ABCB5: variants seen among roughly 807,000 people sequenced by gnomAD.
ABCB5 encodes the protein ATP binding cassette subfamily B member 5, also known as ATP-binding cassette sub-family B member 5.
A neutral mutation model predicts 144.2 loss-of-function variants in ABCB5; 155 were observed. The ratio of observed to expected loss-of-function variants is 1.08; its 90% CI spans 0.94 to 1.23. The LOEUF (loss-of-function observed/expected upper bound fraction) is 1.23. Ranked by LOEUF, ABCB5 falls within the 50% of genes most tolerant of loss-of-function variation. ABCB5 has a pLI of 0.00. For missense variants in ABCB5, 1,830 were observed against 1,520.8 expected (o/e 1.20, Z -3.38); for synonymous variants, 610 against 528.6 (o/e 1.15, Z -2.11).
chr7:20,629,701 G>A (rs1783990576), intron 4 of ABCB5, among the ~76,000 whole-genome samples: 1 of 152,076 alleles, frequency 6.6e-6, no homozygotes, highest in African/African-American at 2.4e-5. Context: ...GGCAGAGGTT[G>A]CATTGAGCCA....
intron 19 of ABCB5, 49 bp downstream of exon 19, chr7:20,700,184 A>G: frequency 7.0e-7 from 1 of 1,434,070 alleles, no homozygotes; most frequent in East Asian, 2.5e-5. Flanking sequence ...ATTTATTGTA[A>G]AACATTCTAG....
At chr7:20,649,101 T>G (rs557054502) in intron 11 of ABCB5, among the ~76,000 whole-genome samples, 8 of 152,226 alleles carry the variant, frequency 5.3e-5, no homozygotes, top group Admixed American at 1.3e-4. Flanking sequence ...AATGAAATTT[T>G]GGGGGGGTCC....
intron 25 of ABCB5, among the ~76,000 whole-genome samples, chr7:20,744,211 G>C (rs867974211): frequency 2.6e-5 from 4 of 151,976 alleles, no homozygotes; most frequent in African/African-American, 9.7e-5. Context: ...GAGATTACAG[G>C]GGTGTGCCAC....
intron 9 of ABCB5, among the ~76,000 whole-genome samples, chr7:20,647,083 C>G (rs919445469): frequency 6.6e-6 from 1 of 152,062 alleles, no homozygotes; most frequent in Admixed American, 6.5e-5. Flanking sequence ...TACAAAAATT[C>G]AAAAACGGTT....
intron 23 of ABCB5, among the ~76,000 whole-genome samples, chr7:20,729,224 A>G (rs1404505165): frequency 6.6e-6 from 1 of 152,214 alleles, no homozygotes; most frequent in Non-Finnish European, 1.5e-5. Context: ...AATCTGAATT[A>G]AATTCCCAGA....
intron 14 of ABCB5, among the ~76,000 whole-genome samples, chr7:20,679,675 T>C (rs1022619303): frequency 2.0e-5 from 3 of 152,142 alleles, no homozygotes; most frequent in Non-Finnish European, 4.4e-5. Flanking sequence ...AAATTGTCAC[T>C]AATCATTTGA....
In ABCB5 at chr7:20,743,528, T is replaced by C. The variant is rs534828305; in HGVS notation, c.3222+454T>C. 1.1e-4 allele frequency among the ~76,000 whole-genome samples: 16 copies of C among 152,312 alleles called. No individual in the cohort carries two copies. In the East Asian group the frequency reaches 3.1e-3, roughly 29 times the overall value. On this transcript the variant is annotated intron_variant, in intron 25 of 27. Coordinates refer to ENST00000404938, the MANE Select transcript of ABCB5 (RefSeq NM_001163941.2). The stretch of plus-strand genomic sequence containing the variant: ...TTAAGGCTTATTGGAATCAGCTCCA[T>C]GAAGTCATGCCTCTAATATCTAAAA...
chr7:20,670,696 G>C (rs1398519582), intron 14 of ABCB5, among the ~76,000 whole-genome samples: 1 of 152,160 alleles, frequency 6.6e-6, no homozygotes, highest in East Asian at 1.9e-4. Flanking sequence ...CATCACCTGA[G>C]GTCGGGAGTT....
At chr7:20,698,375 T>C (rs1044592106) in intron 16 of ABCB5, 32 bp from the exon 17 acceptor site, 2 of 1,537,584 alleles carry the variant, frequency 1.3e-6, no homozygotes, top group African/African-American at 2.8e-5. Flanking sequence ...GCACACAAAC[T>C]GGCATTTTTA....
At chr7:20,654,834 A>T (rs575688840) in intron 13 of ABCB5, among the ~76,000 whole-genome samples, 6 of 152,268 alleles carry the variant, frequency 3.9e-5, no homozygotes, top group African/African-American at 1.4e-4. Context: ...TATTGCTCTG[A>T]GAGAAACTTA....
At chr7:20,638,342 T>C (rs1784209959) in intron 5 of ABCB5, among the ~76,000 whole-genome samples, 1 of 152,054 alleles carries the variant, frequency 6.6e-6, no homozygotes, top group African/African-American at 2.4e-5. Context: ...TTGTACTGTT[T>C]ATATTATTTT....
chr7:20,711,844 C>CT (rs200851981), intron 20 of ABCB5, among the ~76,000 whole-genome samples: 2 of 84,420 alleles, frequency 2.4e-5, no homozygotes, highest in Admixed American at 1.3e-4. Context: ...TTCTTTCTTT[C>CT]TTTTCTTTCT....
At chr7:20,652,120 G>A (rs1455755488) in intron 13 of ABCB5, among the ~76,000 whole-genome samples, 2 of 152,210 alleles carry the variant, frequency 1.3e-5, no homozygotes, top group African/African-American at 4.8e-5. Flanking sequence ...ATCAGACCAA[G>A]CTGAGAAATT....
intron 2 of ABCB5, among the ~76,000 whole-genome samples, chr7:20,625,095 G>A (rs1417903741): frequency 1.2e-4 from 18 of 152,212 alleles, no homozygotes; most frequent in Admixed American, 1.2e-3. Flanking sequence ...TGGGTGTTAA[G>A]CTTCAAAATC....
chr7:20,727,036 T>C lies in ABCB5; in HGVS notation c.2626-4T>C, dbSNP rs1782058595. ...TTCTATATTGTATTGTCCTGTTTTATAAGATAGCAACTGAAGCTTTGGAGA... is the reference window on the plus strand; with the variant it reads ...TTCTATATTGTATTGTCCTGTTTTACAAGATAGCAACTGAAGCTTTGGAGA... On this transcript the variant is annotated splice_region_variant and splice_polypyrimidine_tract_variant and intron_variant, in intron 21 of 27. Transcript: ENST00000404938. 2 of 1,602,606 alleles carry C rather than the reference T, an allele frequency of 1.2e-6. No homozygotes were observed. Among genetic ancestry groups the C allele is most frequent in the African/African-American group, 1.3e-5 (1 of 74,610 alleles).
chr7:20,642,553 G>A (rs1583386939), intron 5 of ABCB5, among the ~76,000 whole-genome samples: 1 of 151,970 alleles, frequency 6.6e-6, no homozygotes, highest in Admixed American at 6.6e-5. Flanking sequence ...TGTATTGTCT[G>A]CCTCCTGCCA....
chr7:20,750,205 A>G (rs896614485), intron 26 of ABCB5, among the ~76,000 whole-genome samples: 1 of 152,228 alleles, frequency 6.6e-6, no homozygotes, highest in African/African-American at 2.4e-5. Flanking sequence ...AAGGCCTACA[A>G]TAACAATTAC....
intron 5 of ABCB5, 73 bp downstream of exon 5, chr7:20,632,186 A>T (rs1784054593): frequency 1.8e-6 from 2 of 1,107,932 alleles, no homozygotes; most frequent in Non-Finnish European, 2.5e-6. Context: ...GAAAAAAGCA[A>T]CTGAAATTTT....
intron 26 of ABCB5, among the ~76,000 whole-genome samples, chr7:20,751,867 T>C (rs919791568): frequency 6.6e-6 from 1 of 152,246 alleles, no homozygotes; most frequent in African/African-American, 2.4e-5. Flanking sequence ...AAAGTCTGTA[T>C]TCTTTGTAGA....
Sources: allele counts gnomAD v4.1 joint callset (sites outside exome capture counted in the v4.1 genomes callset), GRCh38; gene constraint gnomAD v4.1.1; transcripts MANE v1.5; gene names NCBI Gene and HGNC (gene_info 2026-07-23, HGNC 2026-07-21).